USO1: variants seen among roughly 807,000 people sequenced by gnomAD.
The protein encoded by USO1 is general vesicular transport factor p115.
Under a neutral mutation model 124.5 loss-of-function variants are expected in USO1, and 57 were observed. The observed-to-expected ratio is 0.46, with a 90% confidence interval of 0.37 to 0.57. USO1 has a LOEUF of 0.57. Ranked by LOEUF, USO1 falls within the 20% of genes least tolerant of loss-of-function variation. USO1 has a pLI of 0.00. For missense variants in USO1, 900 were observed against 1,040.6 expected (o/e 0.86, Z 1.86); for synonymous variants, 369 against 362.8 (o/e 1.02, Z -0.19).
At chr4:75,810,646 T>C in intron 22 of USO1, 107 bp downstream of exon 22, 1 of 1,279,242 alleles carries the variant, frequency 7.8e-7, no homozygotes, top group Non-Finnish European at 1.0e-6. Flanking sequence ...GCTAATGATG[T>C]GTAATTTTAT....
At position 75,788,173 on chromosome 4, in the gene USO1, T is replaced by A. The variant is rs1182700759; in HGVS notation, c.996+971T>A. Among the ~76,000 whole-genome samples the A allele has an allele frequency of 8.0e-4, 30 of 37,350 alleles. 1 individual carries two copies. Among genetic ancestry groups the A allele is most frequent in the Admixed American group, 1.1e-3 (3 of 2,692 alleles). 24.5% of individuals were successfully genotyped at this position (37,350 alleles called of 152,430 possible). Reference sequence around the variant, plus strand: ...TATCTTTATTTATTTATTTATTTATTTTTTTTTTTTTTTGTACAGAGTCTC... The same window carrying A: ...TATCTTTATTTATTTATTTATTTATATTTTTTTTTTTTTGTACAGAGTCTC... On this transcript the variant is annotated intron_variant, in intron 10 of 23. Transcript: ENST00000514213.
At position 75,790,376 on chromosome 4, in the gene USO1, A is replaced by T. The variant is rs1023642334; in HGVS notation, c.1085+138A>T. 5.7e-6 allele frequency: 7 copies of T among 1,238,364 alleles called. No individual in the cohort carries two copies. The African/African-American group carries it at 1.1e-4, about 19-fold the overall frequency. 76.7% of individuals were successfully genotyped at this position (1,238,364 alleles called of 1,614,324 possible). ...AACTAGAAATTATCTGACAAGATAAATGATATTGATATTTTAAAAGAGTTG... is the reference window on the plus strand; with the variant it reads ...AACTAGAAATTATCTGACAAGATAATTGATATTGATATTTTAAAAGAGTTG... On this transcript the variant is annotated intron_variant, in intron 11 of 23. Coordinates refer to ENST00000514213, the MANE Select transcript of USO1 (RefSeq NM_003715.4).
Position 75,792,620 on chromosome 4 carries a change from C to G in USO1, c.1241-1070C>G, listed in dbSNP as rs940409423. Among the ~76,000 whole-genome samples, 3 of 152,066 alleles carry G rather than the reference C, an allele frequency of 2.0e-5. 1 individual carries two copies. In the South Asian group the frequency reaches 6.2e-4, roughly 32 times the overall value. ...GCTGAGGTGCGAGAATCACCTGAGC[C>G]TGGGAGGTCGAGGCTGCAGTGAACT... On this transcript the variant is annotated intron_variant, in intron 12 of 23. Coordinates refer to ENST00000514213, the MANE Select transcript of USO1 (RefSeq NM_003715.4).
rs182408942 is a variant in USO1, at chr4:75,766,762, T to C, written c.296-3677T>C. Reference sequence around the variant, plus strand: ...ATCTCCATTTTACAAATAAGGAAACTGAGACTTGACAGAGTTAGGCTACTT... The same window carrying C: ...ATCTCCATTTTACAAATAAGGAAACCGAGACTTGACAGAGTTAGGCTACTT... On this transcript the variant is annotated intron_variant, in intron 4 of 23. Transcript: ENST00000514213. Among the ~76,000 whole-genome samples the C allele has an allele frequency of 3.0e-4, 45 of 152,330 alleles. 1 individual carries two copies. The highest frequency in any genetic ancestry group is 2.9e-3 in the Admixed American group (45 of 15,286).
intron 12 of USO1, 35 bp downstream of exon 12, chr4:75,790,832 G>A (rs567228284): frequency 6.7e-7 from 1 of 1,495,192 alleles, no homozygotes; most frequent in African/African-American, 1.4e-5. Context: ...ATTTGAAAAA[G>A]TAAATCATTG....
Position 75,770,916 on chromosome 4 carries a change from G to A in USO1, c.491G>A (p.Ser164Asn), listed in dbSNP as rs764509412. The A allele has an allele frequency of 1.4e-5, 23 of 1,608,360 alleles. No individual in the cohort carries two copies. The highest frequency in any genetic ancestry group is 1.8e-5 in the Non-Finnish European group (21 of 1,178,616). Residue 164 changes from serine to asparagine, a missense_variant, in exon 6 of 24, where the codon AGT becomes AAT. Transcript: ENST00000514213. ...GPQVQQIILV[S>N]PMGVSRLMDL... The stretch of plus-strand genomic sequence containing the variant: ...CAGGTGCAACAAATTATTTTAGTCA[G>A]TCCTATGGGTAAGTGACTTATCTTT...
intron 18 of USO1, 68 bp downstream of exon 18, chr4:75,804,340 A>G: frequency 2.6e-6 from 4 of 1,514,176 alleles, no homozygotes; most frequent in Non-Finnish European, 3.5e-6. Flanking sequence ...TAGACAAAGT[A>G]AAAGATTCTT....
chr4:75,774,568 T>C (rs2149170275), intron 7 of USO1, 108 bp from the exon 8 acceptor site: 1 of 1,322,920 alleles, frequency 7.6e-7, no homozygotes, highest in South Asian at 1.6e-5. Context: ...GTAAAGGAGT[T>C]GGGCTTGCAA....
intron 19 of USO1, among the ~76,000 whole-genome samples, chr4:75,805,550 T>C (rs971213152): frequency 2.0e-5 from 3 of 151,904 alleles, no homozygotes; most frequent in Non-Finnish European, 4.4e-5. Context: ...CTACTAAAAA[T>C]ACAAAAATTA....
intron 3 of USO1, among the ~76,000 whole-genome samples, chr4:75,756,959 A>G (rs974630559): frequency 8.7e-6 from 1 of 114,558 alleles, no homozygotes; most frequent in African/African-American, 5.3e-5. Flanking sequence ...ATATGTATAC[A>G]TATATATACA....
At chr4:75,778,952 A>G (rs1194622526) in intron 8 of USO1, among the ~76,000 whole-genome samples, 1 of 152,202 alleles carries the variant, frequency 6.6e-6, no homozygotes, top group Non-Finnish European at 1.5e-5. Context: ...GCATTGAATA[A>G]GTCTGTTGAC....
chr4:75,764,848 A>G (rs1721721913), intron 4 of USO1, among the ~76,000 whole-genome samples: 1 of 152,166 alleles, frequency 6.6e-6, no homozygotes. Flanking sequence ...TTCTTTTTGA[A>G]AAAACCTGAA....
At chr4:75,778,698 G>A (rs1379757947) in intron 8 of USO1, among the ~76,000 whole-genome samples, 1 of 152,164 alleles carries the variant, frequency 6.6e-6, no homozygotes, top group Non-Finnish European at 1.5e-5. Context: ...TAATGGTGGA[G>A]ACAAGAGATT....
At chr4:75,743,565 G>A (rs774370608) in intron 1 of USO1, among the ~76,000 whole-genome samples, 14 of 152,066 alleles carry the variant, frequency 9.2e-5, no homozygotes, top group Non-Finnish European at 1.6e-4. Context: ...AGTTTCATTA[G>A]AATAGGTACC....
chr4:75,759,262 T>C (rs1436827062), intron 4 of USO1, among the ~76,000 whole-genome samples: 1 of 145,940 alleles, frequency 6.9e-6, no homozygotes, highest in Non-Finnish European at 1.5e-5. Flanking sequence ...TTTTTTTTTT[T>C]TTCTGAAAAT....
Position 75,813,386 on chromosome 4 carries a change from A to G in USO1, c.*91A>G. The G allele has an allele frequency of 7.4e-7, 1 of 1,345,282 alleles. No individual in the cohort carries two copies. The highest frequency in any genetic ancestry group is 1.9e-5 in the South Asian group (1 of 53,310). The allele number at this position is 1,345,282 out of a possible 1,614,324, so 83.3% of individuals were successfully genotyped here. A position where few individuals can be genotyped will look rare whatever the true frequency, so the allele number is the denominator to read the frequency against. On this transcript the variant is annotated 3_prime_UTR_variant, in exon 24 of 24. Coordinates refer to ENST00000514213, the MANE Select transcript of USO1 (RefSeq NM_003715.4). Reference sequence around the variant, plus strand: ...TTACCTCCATGGAAAATAAAGATTTAGAAACCAGGTGGAAAACATTCACTA... The same window carrying G: ...TTACCTCCATGGAAAATAAAGATTTGGAAACCAGGTGGAAAACATTCACTA...
intron 1 of USO1, among the ~76,000 whole-genome samples, chr4:75,734,674 G>C (rs923108974): frequency 1.5e-5 from 2 of 137,108 alleles, no homozygotes; most frequent in African/African-American, 5.4e-5. Context: ...TTGGTAGTTT[G>C]ATAGGAATAG....
At chr4:75,768,874 G>A (rs1721843454) in intron 4 of USO1, among the ~76,000 whole-genome samples, 1 of 152,174 alleles carries the variant, frequency 6.6e-6, no homozygotes, top group Non-Finnish European at 1.5e-5. Flanking sequence ...ATCTATGTTA[G>A]TATTTATCCA....
intron 4 of USO1, among the ~76,000 whole-genome samples, chr4:75,757,810 A>G (rs1309764497): frequency 6.6e-6 from 1 of 152,132 alleles, no homozygotes; most frequent in Non-Finnish European, 1.5e-5. Flanking sequence ...TTTTTAACTA[A>G]TATTTTTGCC....
Sources: allele counts gnomAD v4.1 joint callset (sites outside exome capture counted in the v4.1 genomes callset), GRCh38; gene constraint gnomAD v4.1.1; transcripts MANE v1.5; gene names NCBI Gene and HGNC (gene_info 2026-07-23, HGNC 2026-07-21).